Variants in CEP41 observed in about 807,000 individuals in gnomAD.
CEP41 encodes centrosomal protein 41.
A neutral mutation model predicts 44.3 loss-of-function variants in CEP41; 32 were observed. That is an observed-to-expected ratio of 0.72 (90% CI 0.54 to 0.97). CEP41 has a LOEUF of 0.97. Among genes scored for constraint, CEP41 ranks in the 50% least tolerant of loss-of-function variants. The pLI is 0.00. For missense variants in CEP41, 432 were observed against 455.2 expected (o/e 0.95, Z 0.46); for synonymous variants, 151 against 168.5 (o/e 0.90, Z 0.80).
chr7:130,409,158 C>T (rs1554418869), intron 5 of CEP41, among the ~76,000 whole-genome samples: 1 of 152,144 alleles, frequency 6.6e-6, no homozygotes, highest in African/African-American at 2.4e-5. Flanking sequence ...TTTTATTTAT[C>T]CCTTCAAAGA....
At position 130,394,800 on chromosome 7, in the gene CEP41, T is replaced by C. The variant is rs1554413857; in HGVS notation, c.*4091A>G. 3 of 454,150 alleles carry C rather than the reference T, an allele frequency of 6.6e-6. No homozygotes were observed. The highest frequency in any genetic ancestry group is 1.3e-5 in the Non-Finnish European group (3 of 226,804). 28.1% of individuals were successfully genotyped at this position (454,150 alleles called of 1,614,324 possible). ...TTAAGGGCCACTGTCACAGGGTTGG[T>C]GATTTTCACTCTCTGGGAGCTTATA... On this transcript the variant is annotated 3_prime_UTR_variant, in exon 11 of 11. Coordinates refer to ENST00000223208, the MANE Select transcript of CEP41 (RefSeq NM_018718.3).
At chr7:130,412,016 T>C in intron 4 of CEP41, 163 bp downstream of exon 4, 1 of 667,632 alleles carries the variant, frequency 1.5e-6, no homozygotes, top group East Asian at 2.6e-5. Context: ...CATCTTCATG[T>C]GAACACACAC....
At chr7:130,419,761 A>C in intron 2 of CEP41, 1 of 985,258 alleles carries the variant, frequency 1.0e-6, no homozygotes, top group Non-Finnish European at 1.2e-6. Context: ...ACTTAACTTG[A>C]CAAACTCTTA....
chr7:130,441,245 G>C (rs1554427863), upstream of CEP41: 2 of 388,356 alleles, frequency 5.1e-6, no homozygotes, highest in Non-Finnish European at 1.0e-5. Flanking sequence ...CTTAGGGCGG[G>C]AAGAGAGGCG....
chr7:130,424,888 A>C (rs570641951), intron 2 of CEP41, among the ~76,000 whole-genome samples: 5 of 152,238 alleles, frequency 3.3e-5, no homozygotes, highest in African/African-American at 9.6e-5. Context: ...GTTCTTCCAA[A>C]GACCCTGTTA....
chr7:130,415,452 A>T (rs1797305728), intron 3 of CEP41, among the ~76,000 whole-genome samples: 1 of 152,198 alleles, frequency 6.6e-6, no homozygotes, highest in Non-Finnish European at 1.5e-5. Flanking sequence ...GGTAACAGGA[A>T]TCTCCTGCTC....
chr7:130,409,990 G>A (rs1037776702), intron 5 of CEP41, among the ~76,000 whole-genome samples: 4 of 149,272 alleles, frequency 2.7e-5, no homozygotes, highest in Admixed American at 6.7e-5. Flanking sequence ...CCACTTCAAG[G>A]CCCAGTTCCA....
In CEP41 at chr7:130,397,207, G is replaced by A. The variant is rs1584862362; in HGVS notation, c.*1684C>T. 1 of 454,512 alleles carries A rather than the reference G, an allele frequency of 2.2e-6. No individual in the cohort carries two copies. The highest frequency in any genetic ancestry group is 2.3e-5 in the Admixed American group (1 of 42,570). The allele number at this position is 454,512 out of a possible 1,614,324, so 28.2% of individuals were successfully genotyped here. On this transcript the variant is annotated 3_prime_UTR_variant, in exon 11 of 11. Coordinates refer to ENST00000223208, the MANE Select transcript of CEP41 (RefSeq NM_018718.3). ...CTAAGTTCTCAGGCAATAAATTTATGGGGAAACATGACAGGCTCCTCATTA... is the reference window on the plus strand; with the variant it reads ...CTAAGTTCTCAGGCAATAAATTTATAGGGAAACATGACAGGCTCCTCATTA...
Position 130,396,094 on chromosome 7 carries a change from C to T in CEP41, c.*2797G>A, listed in dbSNP as rs1554414410. 4.4e-6 allele frequency: 2 copies of T among 453,878 alleles called. No homozygotes were observed. The highest frequency in any genetic ancestry group is 3.1e-5 in the South Asian group (2 of 64,448). 28.1% of individuals were successfully genotyped at this position (453,878 alleles called of 1,614,324 possible). A position where few individuals can be genotyped will look rare whatever the true frequency, so the allele number is the denominator to read the frequency against. ...CATTTCCTTGCTTCTTTCTCCCTTC[C>T]TTTCTTTTTTTCTTTTCTCCCTTCC... On this transcript the variant is annotated 3_prime_UTR_variant, in exon 11 of 11. Transcript: ENST00000223208.
rs1554415695 is a variant in CEP41 at position 130,398,244 on chromosome 7, G to A, written c.*647C>T. 2.2e-6 allele frequency: 1 copy of A among 454,126 alleles called. No homozygotes were observed. The highest frequency in any genetic ancestry group is 2.3e-5 in the Admixed American group (1 of 42,580). The allele number at this position is 454,126 out of a possible 1,614,324, so 28.1% of individuals were successfully genotyped here. On this transcript the variant is annotated 3_prime_UTR_variant, in exon 11 of 11. Transcript: ENST00000223208. ...GCTCCAGGAAATATCTAGTAAGGGG[G>A]AGCATTCAGTGAGTGTACAGCTACT...
At chr7:130,441,625 T>C (rs1164926824), upstream of CEP41, among the ~76,000 whole-genome samples, 1 of 152,254 alleles carries the variant, frequency 6.6e-6, no homozygotes, top group Admixed American at 6.5e-5. Context: ...ATTCTGTGGT[T>C]CATCGTTCAT....
chr7:130,432,770 C>CA (rs1186157653), intron 1 of CEP41, among the ~76,000 whole-genome samples: 2 of 151,570 alleles, frequency 1.3e-5, no homozygotes, highest in African/African-American at 2.4e-5. Context: ...AAAAAAAACC[C>CA]AAAAAACGAA....
chr7:130,440,455 G>C (rs1798113879), intron 1 of CEP41: 1 of 233,068 alleles, frequency 4.3e-6, no homozygotes, highest in Non-Finnish European at 8.5e-6. Flanking sequence ...AACAGATGAA[G>C]AAACTGAAGG....
chr7:130,420,899 T>G, intron 2 of CEP41: 1 of 968,958 alleles, frequency 1.0e-6, no homozygotes, highest in Non-Finnish European at 1.2e-6. Context: ...CAATTTGGTC[T>G]GAGTTTCTGC....
At chr7:130,401,385 TA>T (rs1443715363) in intron 8 of CEP41, among the ~76,000 whole-genome samples, 1 of 150,724 alleles carries the variant, frequency 6.6e-6, no homozygotes. Context: ...TCAACTTTGT[TA>T]AAAAAAAACA....
intron 3 of CEP41, among the ~76,000 whole-genome samples, chr7:130,414,534 T>C (rs1797278025): frequency 6.6e-6 from 1 of 152,252 alleles, no homozygotes; most frequent in Admixed American, 6.5e-5. Flanking sequence ...AAGCATAAAA[T>C]GTATACTTTA....
At chr7:130,433,125 A>AAAGTGAATT (rs1467414230) in intron 1 of CEP41, among the ~76,000 whole-genome samples, 6 of 152,178 alleles carry the variant, frequency 3.9e-5, no homozygotes, top group Admixed American at 3.9e-4. Context: ...GACCAAGAGA[A>AAAGTGAATT]AAGTGAATTT....
At chr7:130,402,854 G>T (rs1796895194) in intron 6 of CEP41, 55 bp from the exon 7 acceptor site, 3 of 1,557,398 alleles carry the variant, frequency 1.9e-6, no homozygotes, top group Non-Finnish European at 2.7e-6. Flanking sequence ...TGGCTTAAAG[G>T]TCGAACGTGT....
intron 8 of CEP41, 86 bp downstream of exon 8, chr7:130,401,795 C>T: frequency 1.1e-6 from 1 of 894,800 alleles, no homozygotes; most frequent in Non-Finnish European, 1.9e-6. Flanking sequence ...TCCTTCACAG[C>T]ATTCTTACCA....
Sources: allele counts gnomAD v4.1 joint callset (sites outside exome capture counted in the v4.1 genomes callset), GRCh38; gene constraint gnomAD v4.1.1; transcripts MANE v1.5; gene names NCBI Gene and HGNC (gene_info 2026-07-23, HGNC 2026-07-21).